Variants in HIGD1B observed in about 807,000 individuals in gnomAD.
HIGD1B encodes the protein HIG1 hypoxia inducible domain family member 1B, also known as HIG1 domain family member 1B.
Under a neutral mutation model 8.8 loss-of-function variants are expected in HIGD1B, and 9 were observed. That is an observed-to-expected ratio of 1.02 (90% confidence interval 0.62 to 1.78). The LOEUF (loss-of-function observed/expected upper bound fraction) is 1.78, where lower values mean the gene tolerates loss of function less well. Ranked by LOEUF, HIGD1B falls within the 40% of genes most tolerant of loss-of-function variation. The pLI is 0.00. For synonymous variants in HIGD1B, 47 were observed against 38.8 expected, an observed-to-expected ratio of 1.21 and a Z score of -0.78; for missense variants, 126 against 111.8, an observed-to-expected ratio of 1.13 and a Z score of -0.57.
chr17:44,849,107 T>C, intron 1 of HIGD1B, 147 bp from the exon 2 acceptor site: 1 of 820,774 alleles, frequency 1.2e-6, no homozygotes, highest in Non-Finnish European at 1.9e-6. Flanking sequence ...TCCCCCTAGG[T>C]CCCCCGCAAC....
chr17:44,849,019 C>A, intron 1 of HIGD1B: 2 of 429,728 alleles, frequency 4.7e-6, no homozygotes, highest in Non-Finnish European at 8.4e-6. Context: ...AGGTGATCCA[C>A]CTGCCTCAGT....
intron 2 of HIGD1B, 67 bp from the exon 3 acceptor site, chr17:44,850,265 G>T: frequency 7.6e-7 from 1 of 1,315,282 alleles, no homozygotes; most frequent in Non-Finnish European, 1.1e-6. Flanking sequence ...CCCCTAGGAC[G>T]CCTGAGAGCC....
At chr17:44,847,156 G>T (rs548722361), upstream of HIGD1B, among the ~76,000 whole-genome samples, 1 of 152,042 alleles carries the variant, frequency 6.6e-6, no homozygotes, top group Non-Finnish European at 1.5e-5. Flanking sequence ...AAAAAGGGCC[G>T]GGCGCGGTGG....
At chr17:44,848,888 G>T (rs117584157) in intron 1 of HIGD1B, among the ~76,000 whole-genome samples, 5,984 of 152,168 alleles carry the variant, frequency 0.039, 154 homozygotes, top group Middle Eastern at 0.17. Flanking sequence ...TGGTTCTCCT[G>T]CATCAGCCTC....
chr17:44,849,565 TC>T (rs1216310833), intron 2 of HIGD1B, among the ~76,000 whole-genome samples, 177 bp downstream of exon 2: 2 of 151,948 alleles, frequency 1.3e-5, no homozygotes, highest in African/African-American at 4.8e-5. Flanking sequence ...AGAGAGACCA[TC>T]CTGGCCAACA....
chr17:44,847,067 G>A (rs1161815017), upstream of HIGD1B, among the ~76,000 whole-genome samples: 1 of 152,126 alleles, frequency 6.6e-6, no homozygotes, highest in Non-Finnish European at 1.5e-5. Context: ...GACCTGGGAG[G>A]CGGAGGTTGC....
chr17:44,849,131 C>T lies in HIGD1B; in HGVS notation c.101-123C>T. The T allele has an allele frequency of 1.6e-6, 2 of 1,214,666 alleles. 1 individual carries two copies. The allele number at this position is 1,214,666 out of a possible 1,614,324, so 75.2% of individuals were successfully genotyped here. The stretch of plus-strand genomic sequence containing the variant: ...GTCCCCCGCAACGCCCACCCCCCGC[C>T]ACCAGATGCTGCATAAAACCAGCTG... On this transcript the variant is annotated intron_variant, in intron 1 of 2. Coordinates refer to ENST00000253410, the MANE Select transcript of HIGD1B (RefSeq NM_016438.4).
chr17:44,849,431 T>G, intron 2 of HIGD1B, 43 bp downstream of exon 2: 4 of 1,610,794 alleles, frequency 2.5e-6, no homozygotes, highest in Non-Finnish European at 3.4e-6. Flanking sequence ...CAAAACCGAT[T>G]ATGCAGTTTG....
At chr17:44,845,060 C>T (rs922154101), upstream of HIGD1B, among the ~76,000 whole-genome samples, 3 of 151,906 alleles carry the variant, frequency 2.0e-5, no homozygotes, top group East Asian at 5.8e-4. Flanking sequence ...GAGTTGGAGA[C>T]CAGCCTGGCC....
upstream of HIGD1B, among the ~76,000 whole-genome samples, chr17:44,846,103 A>C (rs961557498): frequency 2.6e-5 from 4 of 151,406 alleles, no homozygotes; most frequent in African/African-American, 9.6e-5. Context: ...CGTTCTCCTC[A>C]TCAAGCCTGT....
chr17:44,846,350 C>T (rs2050322206), upstream of HIGD1B: 1 of 152,334 alleles, frequency 6.6e-6, no homozygotes, highest in South Asian at 2.1e-4. Flanking sequence ...TCCATCTCAG[C>T]TTTTGGTCGG....
upstream of HIGD1B, chr17:44,847,881 G>A (rs1278749159): frequency 6.0e-6 from 2 of 333,584 alleles, no homozygotes; most frequent in Non-Finnish European, 1.1e-5. Context: ...AGCTGAGAAA[G>A]CAGTGAAGAC....
chr17:44,850,312 A>C lies in HIGD1B; in HGVS notation c.236-20A>C, dbSNP rs1436206292. The C allele has an allele frequency of 3.7e-6, 6 of 1,604,246 alleles. No homozygotes were observed. Among genetic ancestry groups the C allele is most frequent in the African/African-American group, 2.7e-5 (2 of 74,824 alleles). On this transcript the variant is annotated intron_variant, in intron 2 of 2. Coordinates refer to ENST00000253410, the MANE Select transcript of HIGD1B (RefSeq NM_016438.4). ...GAAGGGTTTGATGCCAAGGGGCATTATTTCTTTTCTCTCACACAGGTGCTG... is the reference window on the plus strand; with the variant it reads ...GAAGGGTTTGATGCCAAGGGGCATTCTTTCTTTTCTCTCACACAGGTGCTG...
chr17:44,849,105 G>A (rs900777115), intron 1 of HIGD1B, 149 bp from the exon 2 acceptor site: 2 of 805,122 alleles, frequency 2.5e-6, no homozygotes, highest in South Asian at 1.8e-5. Context: ...GATCCCCCTA[G>A]GTCCCCCGCA....
chr17:44,848,964 T>C (rs1343982270), intron 1 of HIGD1B: 1 of 301,732 alleles, frequency 3.3e-6, no homozygotes, highest in Non-Finnish European at 6.3e-6. Context: ...TAGTAGAGAC[T>C]GGGTTTCTCC....
At position 44,848,082 on chromosome 17, in the gene HIGD1B, T is replaced by G. The variant is rs2050342760; in HGVS notation, c.-71T>G. On this transcript the variant is annotated 5_prime_UTR_variant, in exon 1 of 3. It adds an upstream start codon to the 5' untranslated region. Transcript: ENST00000253410. ...CAGACTGAGGAATCAGAGTTCTGAT[T>G]GTGGAGTGCCTCTCTCTAGGACGGG... 1 of 777,716 alleles carries G rather than the reference T, an allele frequency of 1.3e-6. No individual in the cohort carries two copies. The highest frequency in any genetic ancestry group is 1.5e-5 in the South Asian group (1 of 68,092). 48.2% of individuals were successfully genotyped at this position (777,716 alleles called of 1,614,324 possible).
intron 2 of HIGD1B, 46 bp from the exon 3 acceptor site, chr17:44,850,286 T>C (rs1187879050): frequency 2.0e-6 from 3 of 1,520,320 alleles, no homozygotes. Context: ...AGAGGACGGG[T>C]GAAGGGTTTG....
rs748227531 is a variant in HIGD1B, at chr17:44,848,038, G to T, written c.-115G>T. On this transcript the variant is annotated 5_prime_UTR_variant, in exon 1 of 3. Transcript: ENST00000253410. The stretch of plus-strand genomic sequence containing the variant: ...GCATGGTGAGAGAGGGTCTTAGCAG[G>T]TAACCTTCCTTTCCTCTCCAGACTG... The T allele has an allele frequency of 1.8e-5, 12 of 660,994 alleles. No homozygotes were observed. Among genetic ancestry groups the T allele is most frequent in the African/African-American group, 5.5e-5 (3 of 54,934 alleles). The allele number at this position is 660,994 out of a possible 1,614,324, so 40.9% of individuals were successfully genotyped here.
chr17:44,849,987 C>T (rs981757528), intron 2 of HIGD1B: 2 of 225,266 alleles, frequency 8.9e-6, no homozygotes, highest in African/African-American at 4.4e-5. Context: ...AGCAGACAGC[C>T]ACTTGCTAAC....
Sources: allele counts gnomAD v4.1 joint callset (sites outside exome capture counted in the v4.1 genomes callset), GRCh38; gene constraint gnomAD v4.1.1; transcripts MANE v1.5; gene names NCBI Gene and HGNC (gene_info 2026-07-23, HGNC 2026-07-21).